The following HECTD4 variants were observed in gnomAD, a reference collection of about 807,000 sequenced individuals.
The protein encoded by HECTD4 is HECT domain E3 ubiquitin protein ligase 4.
In HECTD4, 114 loss-of-function variants were observed where a neutral mutation model predicts 471.5. That is an observed-to-expected ratio of 0.24 (90% CI 0.21 to 0.28). The LOEUF (loss-of-function observed/expected upper bound fraction) is 0.28. HECTD4 is among the 10% of genes least tolerant of loss of function. HECTD4 has a pLI of 1.00. For missense variants in HECTD4, 3,866 were observed against 5,651.5 expected (o/e 0.68, Z 10.13); for synonymous variants, 2,012 against 2,256.0 (o/e 0.89, Z 3.07).
intron 7 of HECTD4, among the ~76,000 whole-genome samples, chr12:112,287,676 G>A (rs2034783672): frequency 6.6e-6 from 1 of 152,036 alleles, no homozygotes; most frequent in African/African-American, 2.4e-5. Context: ...GATTACGCCT[G>A]TAATCCCAGT....
chr12:112,268,198 C>T lies in HECTD4; in HGVS notation c.2322-1216G>A, dbSNP rs11066225. Among the ~76,000 whole-genome samples the T allele has an allele frequency of 0.042, 6,410 of 152,198 alleles. 1,212 individuals are homozygous for T. The East Asian group carries it at 0.61, about 15-fold the overall frequency. ...ACAGTGTACAATCTGATAAGTCTGACATATGTATACACCAATGAAACCATC... is the reference window on the plus strand; with the variant it reads ...ACAGTGTACAATCTGATAAGTCTGATATATGTATACACCAATGAAACCATC... On this transcript the variant is annotated intron_variant, in intron 13 of 75. Transcript: ENST00000682272.
chr12:112,217,849 A>G (rs1566076304), intron 45 of HECTD4, among the ~76,000 whole-genome samples: 1 of 152,218 alleles, frequency 6.6e-6, no homozygotes, highest in Non-Finnish European at 1.5e-5. Context: ...AAGGCTAAGC[A>G]GGGGAACCAT....
chr12:112,208,572 G>C lies in HECTD4; in HGVS notation c.7926C>G (p.Ile2642Met). 1 of 1,607,820 alleles carries C rather than the reference G, an allele frequency of 6.2e-7. No homozygotes were observed. The highest frequency in any genetic ancestry group is 8.5e-7 in the Non-Finnish European group (1 of 1,178,076). Reference protein sequence around the residue: ...YKVELSYENFITSGPDPHPPP... With the variant: ...YKVELSYENFMTSGPDPHPPP... ...GCGGGTGAGGGTCTGGGCCAGAGGT[G>C]ATGAAATTCTCATAGCTGAGCTCGA... is the stretch of plus-strand genomic sequence containing the variant. The change falls in exon 51 of 76, where the codon ATC (isoleucine) becomes ATG (methionine). Residue 2642 changes from isoleucine (I) to methionine (M), a missense_variant. Transcript: ENST00000682272.
At chr12:112,325,196 A>AT (rs1391929084) in intron 1 of HECTD4, among the ~76,000 whole-genome samples, 3 of 152,268 alleles carry the variant, frequency 2.0e-5, no homozygotes, top group Non-Finnish European at 4.4e-5. Context: ...TGACCATTCT[A>AT]TTTTTACAAG....
intron 1 of HECTD4, among the ~76,000 whole-genome samples, chr12:112,366,762 T>C (rs1360998245): frequency 6.6e-6 from 1 of 150,460 alleles, no homozygotes; most frequent in African/African-American, 2.4e-5. Context: ...GCACCTGTAA[T>C]ACCAGCTACT....
intron 34 of HECTD4, among the ~76,000 whole-genome samples, chr12:112,238,348 G>C (rs2033563454): frequency 6.6e-6 from 1 of 152,024 alleles, no homozygotes; most frequent in South Asian, 2.1e-4. Flanking sequence ...GAGTGGCTGG[G>C]ACTATAGGCA....
At chr12:112,257,285 C>T (rs2034038138) in intron 20 of HECTD4, among the ~76,000 whole-genome samples, 1 of 152,170 alleles carries the variant, frequency 6.6e-6, no homozygotes. Flanking sequence ...AGCTATATTG[C>T]AGGTGCTAAA....
chr12:112,235,004 G>C lies in HECTD4; in HGVS notation c.5915+73C>G. On this transcript the variant is annotated intron_variant, in intron 37 of 75. Coordinates refer to ENST00000682272, the MANE Select transcript of HECTD4 (RefSeq NM_001388303.1). The surrounding 1 kb of genome is among the most constrained non-coding windows in gnomAD (Gnocchi z 5.0). ...GCCGAGGCAGTCGATACATGTACAG[G>C]GCTTACTTAGCACAGTGCCTGTGAC... 1 of 1,378,928 alleles carries C rather than the reference G, an allele frequency of 7.3e-7. No homozygotes were observed. The highest frequency in any genetic ancestry group is 1.4e-5 in the South Asian group (1 of 73,464). The allele number at this position is 1,378,928 out of a possible 1,614,324, so 85.4% of individuals were successfully genotyped here. A position where few individuals can be genotyped will look rare whatever the true frequency, so the allele number is the denominator to read the frequency against.
At chr12:112,317,253 T>C (rs2035497548) in intron 2 of HECTD4, among the ~76,000 whole-genome samples, 1 of 152,196 alleles carries the variant, frequency 6.6e-6, no homozygotes, top group Admixed American at 6.5e-5. Context: ...ATTAAGCACA[T>C]GTCAGGATTC....
At chr12:112,245,229 C>G (rs193059683) in intron 29 of HECTD4, among the ~76,000 whole-genome samples, 6 of 152,312 alleles carry the variant, frequency 3.9e-5, no homozygotes, top group African/African-American at 1.4e-4. Context: ...GTCTTGAACT[C>G]CTGGTGTAAG....
At chr12:112,245,479 A>C (rs2033740413) in intron 29 of HECTD4, among the ~76,000 whole-genome samples, 1 of 152,212 alleles carries the variant, frequency 6.6e-6, no homozygotes, top group East Asian at 1.9e-4. Flanking sequence ...TGTGTATAGC[A>C]GACCATCCTG....
intron 7 of HECTD4, among the ~76,000 whole-genome samples, chr12:112,303,549 A>G (rs79275605): frequency 6.9e-4 from 105 of 152,336 alleles, no homozygotes; most frequent in East Asian, 3.3e-3. Context: ...GCTAGGCGGA[A>G]TCAGAAAAGA....
At chr12:112,250,644 C>T (rs1459619044) in intron 24 of HECTD4, among the ~76,000 whole-genome samples, 1 of 152,200 alleles carries the variant, frequency 6.6e-6, no homozygotes, top group Non-Finnish European at 1.5e-5. Context: ...TCCACAGACA[C>T]ACTTGTCTAG....
At chr12:112,309,034 T>C (rs140675529) in intron 5 of HECTD4, 143 bp from the exon 6 acceptor site, 2 of 856,770 alleles carry the variant, frequency 2.3e-6, no homozygotes, top group African/African-American at 3.4e-5. Context: ...AGTGAATGTA[T>C]TACATTAACT....
chr12:112,316,919 G>A (rs1173392230), intron 2 of HECTD4, among the ~76,000 whole-genome samples: 2 of 151,558 alleles, frequency 1.3e-5, no homozygotes, highest in Non-Finnish European at 2.9e-5. Context: ...TCTGCTGAAT[G>A]AAATTTAGAA....
intron 1 of HECTD4, among the ~76,000 whole-genome samples, chr12:112,365,679 A>T (rs1279189002): frequency 6.6e-6 from 1 of 152,096 alleles, no homozygotes; most frequent in Non-Finnish European, 1.5e-5. Context: ...TGTACTCTAT[A>T]AGTGGACAGA....
chr12:112,240,337 A>C (rs576287116), intron 32 of HECTD4, among the ~76,000 whole-genome samples: 10 of 152,364 alleles, frequency 6.6e-5, no homozygotes, highest in African/African-American at 1.9e-4. Flanking sequence ...CTCCACAAGC[A>C]GGGGACATTC....
rs1003675928 is a variant in HECTD4, at chr12:112,381,100, C to A, written c.177+852G>T. ...CGTTGGCCTCCATGAAACGACACTG[C>A]CAGTATTCCCACCTCTAGGCAAACA... On this transcript the variant is annotated intron_variant, in intron 1 of 75. Coordinates refer to ENST00000682272, the MANE Select transcript of HECTD4 (RefSeq NM_001388303.1). The surrounding 1 kb of genome is among the most constrained non-coding windows in gnomAD (Gnocchi z 4.1). Among the ~76,000 whole-genome samples, 3 of 152,158 alleles carry A rather than the reference C, an allele frequency of 2.0e-5. No homozygotes were observed. The highest frequency in any genetic ancestry group is 2.9e-5 in the Non-Finnish European group (2 of 68,048).
intron 20 of HECTD4, chr12:112,258,263 G>T: frequency 2.9e-6 from 1 of 347,640 alleles, no homozygotes; most frequent in Non-Finnish European, 5.1e-6. Flanking sequence ...ATTAGCATAT[G>T]AGAATTTCAG....
Sources: gnomAD v4.1 joint callset for allele counts (sites outside exome capture counted in the v4.1 genomes callset) on GRCh38, gnomAD v4.1.1 for gene constraint, Gnocchi (gnomAD v3.1) non-coding constraint, MANE v1.5 for transcripts, NCBI Gene and HGNC (gene_info 2026-07-23, HGNC 2026-07-21) for gene names.